UXS1: variants seen among roughly 807,000 people sequenced by gnomAD.
The protein encoded by UXS1 is UDP-glucuronate decarboxylase 1, also known as UDP-glucuronic acid decarboxylase 1.
Under a neutral mutation model 62.6 loss-of-function variants are expected in UXS1, and 33 were observed. That is an observed-to-expected ratio of 0.53 (90% CI 0.40 to 0.70). The LOEUF (loss-of-function observed/expected upper bound fraction) is 0.70, where lower values mean the gene tolerates loss of function less well. UXS1 is among the 30% of genes least tolerant of loss of function. The pLI is 0.00. For missense variants in UXS1, 434 were observed against 556.3 expected, an observed-to-expected ratio of 0.78 and a Z score of 2.21; for synonymous variants, 213 against 206.8, an observed-to-expected ratio of 1.03 and a Z score of -0.26.
At chr2:106,095,177 T>TAATA (rs2104816938) in intron 14 of UXS1, among the ~76,000 whole-genome samples, 1 of 152,284 alleles carries the variant, frequency 6.6e-6, no homozygotes, top group South Asian at 2.1e-4. Flanking sequence ...AAGCAATAGT[T>TAATA]AATACATAGT....
chr2:106,106,050 G>A (rs1020675024), intron 10 of UXS1, among the ~76,000 whole-genome samples: 2 of 152,180 alleles, frequency 1.3e-5, no homozygotes, highest in African/African-American at 2.4e-5. Flanking sequence ...AGGAAAAGGG[G>A]AAGGATCAGG....
chr2:106,158,349 T>A (rs562017999), intron 4 of UXS1, among the ~76,000 whole-genome samples: 1 of 152,126 alleles, frequency 6.6e-6, no homozygotes, highest in African/African-American at 2.4e-5. Flanking sequence ...TGAGATTCTA[T>A]CTCTGAGAAG....
intron 9 of UXS1, among the ~76,000 whole-genome samples, chr2:106,118,222 C>CTTT (rs5833170): frequency 6.8e-6 from 1 of 146,006 alleles, no homozygotes; most frequent in Admixed American, 6.8e-5. Context: ...TGGCTGCTTA[C>CTTT]TTTTTTTTTT....
At chr2:106,125,596 C>A in intron 8 of UXS1, 24 bp downstream of exon 8, 1 of 1,550,482 alleles carries the variant, frequency 6.4e-7, no homozygotes, top group Non-Finnish European at 8.7e-7. Flanking sequence ...GAGTGAACAT[C>A]TCCTGAGAGA....
chr2:106,115,497 GT>G (rs1678986726), intron 9 of UXS1, among the ~76,000 whole-genome samples: 1 of 152,166 alleles, frequency 6.6e-6, no homozygotes, highest in Non-Finnish European at 1.5e-5. Context: ...CTGTGGTTTT[GT>G]CCCCTATGGT....
chr2:106,187,162 T>C (rs1684612814), intron 1 of UXS1, among the ~76,000 whole-genome samples: 1 of 152,094 alleles, frequency 6.6e-6, no homozygotes, highest in African/African-American at 2.4e-5. Context: ...AAAATATTCT[T>C]TTAGTAGAAA....
At chr2:106,149,598 G>A (rs1681854145) in intron 5 of UXS1, among the ~76,000 whole-genome samples, 1 of 152,132 alleles carries the variant, frequency 6.6e-6, no homozygotes, top group Admixed American at 6.5e-5. Flanking sequence ...CTTGATCTTG[G>A]ACTCCCCAGC....
chr2:106,189,924 T>G (rs1462402720), intron 1 of UXS1, among the ~76,000 whole-genome samples: 1 of 152,034 alleles, frequency 6.6e-6, no homozygotes, highest in Non-Finnish European at 1.5e-5. Flanking sequence ...GAAGAGGAAG[T>G]CAGGAAACAG....
intron 1 of UXS1, among the ~76,000 whole-genome samples, chr2:106,186,457 T>TATATATACACAC (rs375660148): frequency 8.1e-4 from 120 of 148,802 alleles, no homozygotes; most frequent in African/African-American, 2.5e-3. Context: ...TATATATATA[T>TATATATACACAC]ACACACACAC....
rs181891036 is a variant in UXS1, at chr2:106,168,261, T to C, written c.95-2178A>G. Among the ~76,000 whole-genome samples the C allele has an allele frequency of 4.4e-3, 667 of 152,040 alleles. 7 individuals are homozygous for C. The highest frequency in any genetic ancestry group is 0.015 in the African/African-American group (618 of 41,456). ...ACCAAAACCAAGATGGCCACAAGAG[T>C]GACCTCTGGCCGTCCTCGCTGCTAC... On this transcript the variant is annotated intron_variant, in intron 1 of 14. Transcript: ENST00000283148.
At chr2:106,123,573 A>G (rs1438471691) in intron 8 of UXS1, among the ~76,000 whole-genome samples, 2 of 152,208 alleles carry the variant, frequency 1.3e-5, no homozygotes, top group African/African-American at 2.4e-5. Context: ...GTCAACGTGG[A>G]GGCTCCTGTA....
rs964388159 is a variant in UXS1, at chr2:106,096,980, T to C, written c.1043-159A>G. 12 of 769,150 alleles carry C rather than the reference T, an allele frequency of 1.6e-5. No homozygotes were observed. The Admixed American group carries it at 2.2e-4, about 14-fold the overall frequency. 47.6% of individuals were successfully genotyped at this position (769,150 alleles called of 1,614,324 possible). A position where few individuals can be genotyped will look rare whatever the true frequency, so the allele number is the denominator to read the frequency against. On this transcript the variant is annotated intron_variant, in intron 13 of 14. Coordinates refer to ENST00000283148, the MANE Select transcript of UXS1 (RefSeq NM_001253875.2). ...AGAAGCCCCGGAGCTCCCGAGGGAC[T>C]GTTCTGCGTGGAAGTCCAGGGAGTG...
At chr2:106,118,423 G>T (rs1344454733) in intron 9 of UXS1, among the ~76,000 whole-genome samples, 1 of 141,036 alleles carries the variant, frequency 7.1e-6, no homozygotes, top group Non-Finnish European at 1.6e-5. Context: ...CCCAGTGGGT[G>T]GGCCACAGAC....
intron 9 of UXS1, among the ~76,000 whole-genome samples, chr2:106,122,351 G>C (rs1475701850): frequency 6.6e-6 from 1 of 152,148 alleles, no homozygotes; most frequent in Non-Finnish European, 1.5e-5. Context: ...AGATGGGCAG[G>C]GCAGGCTTCA....
Position 106,093,879 on chromosome 2 carries a change from ATTTCATTAAAGC to A in UXS1, c.*135_*146del, listed in dbSNP as rs1676857436. The A allele has an allele frequency of 2.6e-6, 3 of 1,176,164 alleles. No individual in the cohort carries two copies. Among genetic ancestry groups the A allele is most frequent in the African/African-American group, 3.2e-5 (2 of 62,770 alleles). 72.9% of individuals were successfully genotyped at this position (1,176,164 alleles called of 1,614,324 possible). On this transcript the variant is annotated 3_prime_UTR_variant, in exon 15 of 15. Coordinates refer to ENST00000283148, the MANE Select transcript of UXS1 (RefSeq NM_001253875.2). ...TTGAGGGGAGCTTTTAGGCACATCC[ATTTCATTAAAGC>A]AAGCTTCAGAATGAAATTCCAGTTT...
At chr2:106,146,491 T>C (rs1033128382) in intron 5 of UXS1, among the ~76,000 whole-genome samples, 8 of 152,184 alleles carry the variant, frequency 5.3e-5, no homozygotes, top group African/African-American at 1.2e-4. Context: ...TAAAGCCACC[T>C]GGATTTGAGT....
chr2:106,125,540 GA>G, intron 8 of UXS1, 79 bp downstream of exon 8: 1 of 1,351,002 alleles, frequency 7.4e-7, no homozygotes, highest in Non-Finnish European at 9.7e-7. Flanking sequence ...CCTCAGAAAA[GA>G]ACACTGGACT....
At chr2:106,148,822 G>C (rs1295019640) in intron 5 of UXS1, among the ~76,000 whole-genome samples, 1 of 152,136 alleles carries the variant, frequency 6.6e-6, no homozygotes, top group Non-Finnish European at 1.5e-5. Context: ...ATAACAAGGA[G>C]CTAATACCCA....
At chr2:106,098,849 T>C (rs1246741972) in intron 12 of UXS1, 76 bp from the exon 13 acceptor site, 1 of 1,370,426 alleles carries the variant, frequency 7.3e-7, no homozygotes, top group Non-Finnish European at 1.0e-6. Flanking sequence ...CAGGCGTGTC[T>C]GCAGAGACGT....
Sources: gnomAD v4.1 joint callset for allele counts (sites outside exome capture counted in the v4.1 genomes callset) on GRCh38, gnomAD v4.1.1 for gene constraint, MANE v1.5 for transcripts, NCBI Gene and HGNC (gene_info 2026-07-23, HGNC 2026-07-21) for gene names.